Variants in SRGAP2C observed in about 807,000 individuals in gnomAD.
The protein encoded by SRGAP2C is SLIT-ROBO Rho GTPase activating protein 2C, also known as SLIT-ROBO Rho GTPase-activating protein 2C.
A neutral mutation model predicts 25.1 loss-of-function variants in SRGAP2C; 15 were observed. The ratio of observed to expected loss-of-function variants is 0.60; its 90% confidence interval spans 0.40 to 0.92. The LOEUF (loss-of-function observed/expected upper bound fraction) is 0.92. Ranked by LOEUF, SRGAP2C falls within the 40% of genes least tolerant of loss-of-function variation. SRGAP2C has a pLI of 0.00. For synonymous variants in SRGAP2C, 44 were observed against 96.6 expected (o/e 0.46, Z 3.19); for missense variants, 144 against 264.4 (o/e 0.54, Z 3.16).
At chr1:121,260,846 C>A (rs1656614479) in intron 2 of SRGAP2C, among the ~76,000 whole-genome samples, 1 of 72,690 alleles carries the variant, frequency 1.4e-5, no homozygotes, top group South Asian at 4.5e-4. Flanking sequence ...CGATTTTTGG[C>A]ATATTTGACA....
intron 3 of SRGAP2C, among the ~76,000 whole-genome samples, chr1:121,289,154 G>C (rs2101573048): frequency 6.7e-6 from 1 of 148,610 alleles, no homozygotes; most frequent in South Asian, 2.2e-4. Flanking sequence ...ATGGAGCAGG[G>C]GGTGGTGCTC....
At chr1:121,338,533 A>G (rs1658571085) in intron 4 of SRGAP2C, among the ~76,000 whole-genome samples, 1 of 132,486 alleles carries the variant, frequency 7.5e-6, no homozygotes, top group Non-Finnish European at 1.6e-5. Flanking sequence ...TTTTAAGCCC[A>G]GCCCTTGGGG....
rs1398577910 is a variant in SRGAP2C at position 121,185,027 on chromosome 1, A to G, written c.-640A>G. On this transcript the variant is annotated 5_prime_UTR_variant, in exon 1 of 10. Transcript: ENST00000367123. ...CGGAGGCTCCTCCAGGGACTGGGGC[A>G]CCGATCTGCGTAGAAACGGGTGGCG... 2 of 514,184 alleles carry G rather than the reference A, an allele frequency of 3.9e-6. No homozygotes were observed. The highest frequency in any genetic ancestry group is 6.8e-6 in the Non-Finnish European group (2 of 292,784). The allele number at this position is 514,184 out of a possible 1,614,324, so 31.9% of individuals were successfully genotyped here.
Position 121,278,103 on chromosome 1 carries a change from G to A in SRGAP2C, c.68-6700G>A, listed in dbSNP as rs1217540689. Reference sequence around the variant, plus strand: ...CTAAAGGCATGCACCACCTCCCCCCGCCAGCTAACTTAAAAAAAAAATTTG... The same window carrying A: ...CTAAAGGCATGCACCACCTCCCCCCACCAGCTAACTTAAAAAAAAAATTTG... On this transcript the variant is annotated intron_variant, in intron 2 of 9. Transcript: ENST00000367123. Among the ~76,000 whole-genome samples, 212 of 151,322 alleles carry A rather than the reference G, an allele frequency of 1.4e-3. 2 individuals are homozygous for A. In the East Asian group the frequency reaches 0.036, roughly 26 times the overall value.
chr1:121,343,427 T>A (rs1658676149), intron 4 of SRGAP2C, among the ~76,000 whole-genome samples: 2 of 151,344 alleles, frequency 1.3e-5, no homozygotes, highest in East Asian at 1.9e-4. Context: ...TTAAAAAGGC[T>A]GTTGTAATCA....
chr1:121,368,572 C>G (rs1205261069), intron 5 of SRGAP2C, among the ~76,000 whole-genome samples: 1 of 151,940 alleles, frequency 6.6e-6, no homozygotes, highest in African/African-American at 2.4e-5. Flanking sequence ...AGTGCTGAAA[C>G]TGGAAAAGTT....
chr1:121,379,165 A>G, intron 7 of SRGAP2C, among the ~76,000 whole-genome samples: 2 of 152,252 alleles, frequency 1.3e-5, no homozygotes, highest in Non-Finnish European at 2.9e-5. Flanking sequence ...TGGCTGTTTC[A>G]GTAAGAAATG....
At chr1:121,223,396 T>TGTGTGTGTG in intron 2 of SRGAP2C, among the ~76,000 whole-genome samples, 3 of 82,764 alleles carry the variant, frequency 3.6e-5, no homozygotes, top group South Asian at 3.6e-4. Flanking sequence ...TGTGTGTGTG[T>TGTGTGTGTG]TTTATCTCCT....
intron 2 of SRGAP2C, among the ~76,000 whole-genome samples, chr1:121,274,990 C>T (rs1558104265): frequency 6.6e-6 from 1 of 151,228 alleles, no homozygotes; most frequent in Non-Finnish European, 1.5e-5. Context: ...TTTGACTTTG[C>T]TTTGCTAACT....
intron 4 of SRGAP2C, among the ~76,000 whole-genome samples, chr1:121,354,586 C>G (rs1352868572): frequency 9.2e-6 from 1 of 109,116 alleles, no homozygotes; most frequent in African/African-American, 3.4e-5. Context: ...TTAGTAGAGA[C>G]AGCGTTTCAC....
chr1:121,320,927 G>T (rs1158211803), intron 3 of SRGAP2C, among the ~76,000 whole-genome samples: 1 of 152,170 alleles, frequency 6.6e-6, no homozygotes, highest in Non-Finnish European at 1.5e-5. Flanking sequence ...AGGCCCTTGA[G>T]CCTTCTATGG....
At chr1:121,359,823 A>G (rs1659147167) in intron 4 of SRGAP2C, among the ~76,000 whole-genome samples, 1 of 152,260 alleles carries the variant, frequency 6.6e-6, no homozygotes, top group African/African-American at 2.4e-5. Context: ...AATAGGAAAT[A>G]TCATAGTGGA....
chr1:121,237,494 A>T (rs1436527353), intron 2 of SRGAP2C, among the ~76,000 whole-genome samples: 3 of 151,972 alleles, frequency 2.0e-5, no homozygotes, highest in Non-Finnish European at 4.4e-5. Flanking sequence ...TTTATAGTCT[A>T]TTATTTCTGG....
chr1:121,211,011 G>A (rs1655236688), intron 2 of SRGAP2C, among the ~76,000 whole-genome samples: 1 of 126,904 alleles, frequency 7.9e-6, no homozygotes, highest in African/African-American at 3.1e-5. Context: ...CTGTCAAAAG[G>A]CCACTGAATA....
intron 3 of SRGAP2C, among the ~76,000 whole-genome samples, chr1:121,305,323 A>G: frequency 8.3e-6 from 1 of 120,344 alleles, no homozygotes; most frequent in Non-Finnish European, 1.7e-5. Flanking sequence ...CTGGCCTTTC[A>G]GACATGAAGC....
intron 4 of SRGAP2C, among the ~76,000 whole-genome samples, chr1:121,332,581 A>G (rs1658455580): frequency 1.3e-5 from 2 of 152,002 alleles, no homozygotes; most frequent in Admixed American, 1.3e-4. Flanking sequence ...TCCTTTTGCC[A>G]TTAGTGAATC....
chr1:121,346,441 C>CCTAT (rs1553343908), intron 4 of SRGAP2C, among the ~76,000 whole-genome samples: 1 of 135,622 alleles, frequency 7.4e-6, no homozygotes, highest in Non-Finnish European at 1.6e-5. Context: ...AATTTTTGCA[C>CCTAT]TATAGCTTTG....
chr1:121,286,071 G>T lies in SRGAP2C; in HGVS notation c.260+1076G>T, dbSNP rs1203476003. On this transcript the variant is annotated intron_variant, in intron 3 of 9. Transcript: ENST00000367123. Reference sequence around the variant, plus strand: ...TTGGGTTGCATTCAAAGCCATCCTGGCCCCCATGCAGCCCACAGGCCATAG... The same window carrying T: ...TTGGGTTGCATTCAAAGCCATCCTGTCCCCCATGCAGCCCACAGGCCATAG... 2.6e-5 allele frequency among the ~76,000 whole-genome samples: 4 copies of T among 152,076 alleles called. No individual in the cohort carries two copies. In the South Asian group the frequency reaches 6.2e-4, roughly 24 times the overall value.
At chr1:121,287,704 G>A (rs1453484326) in intron 3 of SRGAP2C, among the ~76,000 whole-genome samples, 32 of 152,306 alleles carry the variant, frequency 2.1e-4, no homozygotes, top group East Asian at 9.6e-4. Flanking sequence ...GGACCCTCGC[G>A]GTGAGTGTTA....
Sources: gnomAD v4.1 joint callset for allele counts (sites outside exome capture counted in the v4.1 genomes callset) on GRCh38, gnomAD v4.1.1 for gene constraint, MANE v1.5 for transcripts, NCBI Gene and HGNC (gene_info 2026-07-23, HGNC 2026-07-21) for gene names.